TMEM232: variants seen among roughly 807,000 people sequenced by gnomAD.
The protein encoded by TMEM232 is transmembrane protein 232.
TMEM232 carries 80 observed loss-of-function variants against 78.8 expected under a neutral mutation model. The ratio of observed to expected loss-of-function variants is 1.01; its 90% CI spans 0.85 to 1.22. TMEM232 has a LOEUF of 1.22. TMEM232 is among the 50% of genes most tolerant of loss of function. TMEM232 has a pLI of 0.00. For missense variants in TMEM232, 881 were observed against 742.2 expected (o/e 1.19, Z -2.17); for synonymous variants, 297 against 254.3 (o/e 1.17, Z -1.60).
intron 1 of TMEM232, among the ~76,000 whole-genome samples, chr5:110,693,820 A>G (rs1193323178): frequency 6.6e-6 from 1 of 152,228 alleles, no homozygotes; most frequent in East Asian, 1.9e-4. Context: ...GACCAAATCT[A>G]CGTCTGATTG....
At chr5:110,642,528 G>T (rs1357791599) in intron 2 of TMEM232, among the ~76,000 whole-genome samples, 157 bp from the exon 3 acceptor site, 1 of 152,050 alleles carries the variant, frequency 6.6e-6, no homozygotes, top group Non-Finnish European at 1.5e-5. Context: ...AAAGATACAT[G>T]CAAGCCTCCT....
chr5:110,712,431 CA>C (rs1796588391), intron 1 of TMEM232, among the ~76,000 whole-genome samples: 1 of 151,896 alleles, frequency 6.6e-6, no homozygotes, highest in South Asian at 2.1e-4. Flanking sequence ...AAAAAGTAGG[CA>C]AAATATCTGA....
chr5:110,734,137 T>A (rs938964012), intron 2 of TMEM232, among the ~76,000 whole-genome samples: 1 of 152,212 alleles, frequency 6.6e-6, no homozygotes, highest in Non-Finnish European at 1.5e-5. Flanking sequence ...ACCAAAATAA[T>A]CTTAGTGGTT....
At chr5:110,587,559 T>A (rs7721004) in intron 10 of TMEM232, among the ~76,000 whole-genome samples, 3 of 151,102 alleles carry the variant, frequency 2.0e-5, no homozygotes, top group African/African-American at 7.3e-5. Context: ...CAGCCATACC[T>A]TACTCTTTCC....
chr5:110,532,877 G>A (rs1011876182), intron 11 of TMEM232, among the ~76,000 whole-genome samples: 1 of 152,074 alleles, frequency 6.6e-6, no homozygotes, highest in African/African-American at 2.4e-5. Flanking sequence ...GTTATCACTC[G>A]CTTGCTACAG....
chr5:110,667,280 G>A lies in TMEM232; in HGVS notation c.73C>T (p.Leu25Phe), dbSNP rs554845418. Residue 25 changes from leucine (L) to phenylalanine (F), a missense_variant, in exon 2 of 14, where the codon CTC becomes TTC. Transcript: ENST00000455884. Reference protein sequence around the residue: ...GGISSPYHEELWKLNFQHLSG... With the variant: ...GGISSPYHEEFWKLNFQHLSG... ...AAATGTTGAAAATTTAATTTCCAGA[G>A]CTCTTCATGATAAGGGGAAGATATG... 1 of 1,545,948 alleles carries A rather than the reference G, an allele frequency of 6.5e-7. No individual in the cohort carries two copies. Among genetic ancestry groups the A allele is most frequent in the East Asian group, 2.5e-5 (1 of 40,594 alleles).
At chr5:110,647,294 T>C (rs1263484304) in intron 2 of TMEM232, among the ~76,000 whole-genome samples, 1 of 151,916 alleles carries the variant, frequency 6.6e-6, no homozygotes, top group African/African-American at 2.4e-5. Context: ...TTGTCAAGAC[T>C]TACAGTGTTC....
intron 8 of TMEM232, among the ~76,000 whole-genome samples, chr5:110,610,819 C>A (rs994672417): frequency 5.9e-5 from 9 of 151,982 alleles, no homozygotes; most frequent in African/African-American, 1.9e-4. Context: ...AAGTCTATTA[C>A]CAGATAAAAT....
intron 12 of TMEM232, among the ~76,000 whole-genome samples, chr5:110,446,051 G>C (rs1759610546): frequency 1.3e-5 from 2 of 152,172 alleles, no homozygotes; most frequent in Non-Finnish European, 2.9e-5. Context: ...GGCCATCTTA[G>C]AGGCTGCCTT....
chr5:110,708,839 C>T (rs780682356), intron 1 of TMEM232, among the ~76,000 whole-genome samples: 6 of 150,988 alleles, frequency 4.0e-5, no homozygotes, highest in Admixed American at 2.6e-4. Context: ...AACAGAAGAC[C>T]GCAAAACAAA....
chr5:110,451,500 C>T (rs773354127), intron 12 of TMEM232, among the ~76,000 whole-genome samples: 18 of 152,092 alleles, frequency 1.2e-4, no homozygotes, highest in Non-Finnish European at 2.4e-4. Flanking sequence ...GTGAGTCTTC[C>T]TATTTCACTT....
chr5:110,586,442 TTAA>T, intron 10 of TMEM232, among the ~76,000 whole-genome samples: 2 of 152,210 alleles, frequency 1.3e-5, no homozygotes, highest in Middle Eastern at 6.8e-3. Context: ...GTTATGGTAC[TTAA>T]TAATCACTTT....
At chr5:110,521,050 C>A (rs1409829693) in intron 12 of TMEM232, among the ~76,000 whole-genome samples, 2 of 152,178 alleles carry the variant, frequency 1.3e-5, no homozygotes, top group South Asian at 2.1e-4. Flanking sequence ...GTGCATTAAG[C>A]TGAGAGCTGG....
chr5:110,521,523 T>A (rs529121499), intron 12 of TMEM232, among the ~76,000 whole-genome samples: 260 of 152,324 alleles, frequency 1.7e-3, no homozygotes, highest in African/African-American at 5.9e-3. Flanking sequence ...CAAGAAAACA[T>A]TGTAAAGATC....
At chr5:110,571,842 G>C (rs1449577151) in intron 10 of TMEM232, among the ~76,000 whole-genome samples, 2 of 151,990 alleles carry the variant, frequency 1.3e-5, no homozygotes, top group Non-Finnish European at 2.9e-5. Context: ...ACCAAAGCTA[G>C]CTAAAGATAA....
intron 12 of TMEM232, among the ~76,000 whole-genome samples, chr5:110,448,688 CT>C (rs1359231925): frequency 1.3e-5 from 2 of 151,952 alleles, no homozygotes; most frequent in Non-Finnish European, 2.9e-5. Context: ...TACATTCCCC[CT>C]CTCACATGGA....
intron 12 of TMEM232, among the ~76,000 whole-genome samples, chr5:110,487,753 C>T (rs908014942): frequency 6.6e-6 from 1 of 151,956 alleles, no homozygotes; most frequent in Non-Finnish European, 1.5e-5. Context: ...AGATACTGAT[C>T]TGTAGTTTTC....
intron 2 of TMEM232, among the ~76,000 whole-genome samples, chr5:110,733,666 A>G (rs1336787386): frequency 1.3e-5 from 2 of 152,126 alleles, no homozygotes; most frequent in South Asian, 4.1e-4. Context: ...GGACCAACAG[A>G]CACTGGGGCC....
At chr5:110,658,723 C>G (rs1789412972) in intron 2 of TMEM232, among the ~76,000 whole-genome samples, 1 of 151,894 alleles carries the variant, frequency 6.6e-6, no homozygotes, top group Non-Finnish European at 1.5e-5. Flanking sequence ...ATTATTAATC[C>G]CAAAGAGGGT....
Sources: gnomAD v4.1 joint callset for allele counts (sites outside exome capture counted in the v4.1 genomes callset) on GRCh38, gnomAD v4.1.1 for gene constraint, MANE v1.5 for transcripts, NCBI Gene and HGNC (gene_info 2026-07-23, HGNC 2026-07-21) for gene names.